Variants in MPPED2 observed in about 807,000 individuals in gnomAD.
MPPED2 encodes metallophosphoesterase MPPED2.
Under a neutral mutation model 33.0 loss-of-function variants are expected in MPPED2, and 5 were observed. The ratio of observed to expected loss-of-function variants is 0.15; its 90% confidence interval spans 0.08 to 0.32. MPPED2 has a LOEUF of 0.32. Among genes scored for constraint, MPPED2 ranks in the 10% least tolerant of loss-of-function variants. MPPED2 has a pLI of 1.00. For missense variants in MPPED2, 275 were observed against 372.1 expected (o/e 0.74, Z 2.15); for synonymous variants, 136 against 141.9 (o/e 0.96, Z 0.29).
chr11:30,496,168 A>T (rs1952241412), intron 3 of MPPED2, among the ~76,000 whole-genome samples: 1 of 152,312 alleles, frequency 6.6e-6, no homozygotes, highest in Non-Finnish European at 1.5e-5. Context: ...CCCTCTTTTA[A>T]TATTTATGGT....
intron 3 of MPPED2, among the ~76,000 whole-genome samples, chr11:30,526,711 A>C (rs1387968594): frequency 1.3e-5 from 2 of 151,802 alleles, no homozygotes; most frequent in Middle Eastern, 3.2e-3. Flanking sequence ...CTCAAAAAAA[A>C]AAAAAAGGCT....
chr11:30,516,815 TA>T (rs151126810), intron 3 of MPPED2, among the ~76,000 whole-genome samples: 1 of 151,952 alleles, frequency 6.6e-6, no homozygotes, highest in African/African-American at 2.4e-5. Flanking sequence ...CATTTTGTGT[TA>T]AAAAAAAGAA....
intron 6 of MPPED2, 26 bp downstream of exon 6, chr11:30,414,200 GTT>G: frequency 6.6e-7 from 1 of 1,520,692 alleles, no homozygotes; most frequent in Non-Finnish European, 9.1e-7. Context: ...GGCACAAAAT[GTT>G]TTGAATTCTT....
chr11:30,449,474 C>A (rs1273641646), intron 4 of MPPED2, among the ~76,000 whole-genome samples: 1 of 151,486 alleles, frequency 6.6e-6, no homozygotes, highest in Non-Finnish European at 1.5e-5. Flanking sequence ...GACAACATGG[C>A]AAAACCCTGT....
At chr11:30,387,011 G>A (rs1947711415) in exon 7 of MPPED2, 7 of 370,870 alleles carry the variant, frequency 1.9e-5, no homozygotes, top group Non-Finnish European at 1.9e-5. Context: ...CACATAGTTA[G>A]TAGTGATGGA....
intron 4 of MPPED2, among the ~76,000 whole-genome samples, chr11:30,456,899 G>C (rs747412689): frequency 6.6e-6 from 1 of 152,022 alleles, no homozygotes; most frequent in African/African-American, 2.4e-5. Flanking sequence ...CTAGCAATAA[G>C]AACAAAAATG....
At chr11:30,548,814 T>C (rs374082238) in intron 2 of MPPED2, among the ~76,000 whole-genome samples, 1 of 152,194 alleles carries the variant, frequency 6.6e-6, no homozygotes, top group East Asian at 1.9e-4. Context: ...ACAAAGAGGT[T>C]AATTCCCAGG....
At chr11:30,549,622 A>G (rs1955603171) in intron 2 of MPPED2, among the ~76,000 whole-genome samples, 1 of 152,108 alleles carries the variant, frequency 6.6e-6, no homozygotes, top group African/African-American at 2.4e-5. Context: ...TTAACTTTCA[A>G]TTTTGGGCAG....
At chr11:30,403,484 C>T (rs1431695341) in intron 6 of MPPED2, among the ~76,000 whole-genome samples, 3 of 152,164 alleles carry the variant, frequency 2.0e-5, no homozygotes, top group Admixed American at 6.5e-5. Context: ...AACAAATTTT[C>T]TTAGGTGAAA....
intron 4 of MPPED2, among the ~76,000 whole-genome samples, chr11:30,479,915 G>A (rs1951404146): frequency 6.6e-6 from 1 of 152,118 alleles, no homozygotes; most frequent in Non-Finnish European, 1.5e-5. Flanking sequence ...AAGTAAATAG[G>A]GCCTCTTTGG....
intron 6 of MPPED2, among the ~76,000 whole-genome samples, chr11:30,401,472 C>T: frequency 6.6e-6 from 1 of 152,200 alleles, no homozygotes; most frequent in Non-Finnish European, 1.5e-5. Flanking sequence ...TCACTGGACA[C>T]TAAAAGCACA....
intron 4 of MPPED2, among the ~76,000 whole-genome samples, chr11:30,463,561 T>C (rs1301602528): frequency 6.6e-6 from 1 of 152,162 alleles, no homozygotes; most frequent in Non-Finnish European, 1.5e-5. Flanking sequence ...CCCAGCTTAG[T>C]TCTGCGAAGT....
intron 2 of MPPED2, among the ~76,000 whole-genome samples, chr11:30,546,094 A>G (rs1955410453): frequency 6.6e-6 from 1 of 152,210 alleles, no homozygotes; most frequent in Non-Finnish European, 1.5e-5. Flanking sequence ...TGCTGGGATT[A>G]CAGACATGAG....
intron 4 of MPPED2, among the ~76,000 whole-genome samples, chr11:30,481,903 C>G (rs1005985900): frequency 6.6e-6 from 1 of 152,134 alleles, no homozygotes; most frequent in Non-Finnish European, 1.5e-5. Context: ...AGGCAAACCA[C>G]AGTACTTGTT....
intron 4 of MPPED2, among the ~76,000 whole-genome samples, chr11:30,465,008 C>T (rs1006469325): frequency 1.3e-5 from 2 of 152,126 alleles, no homozygotes; most frequent in Non-Finnish European, 2.9e-5. Flanking sequence ...TAGGTCTAAG[C>T]AATGTGGTCT....
intron 2 of MPPED2, among the ~76,000 whole-genome samples, chr11:30,557,764 A>G (rs903921246): frequency 1.3e-5 from 2 of 152,220 alleles, no homozygotes; most frequent in Admixed American, 6.5e-5. Context: ...ATATTTGAAG[A>G]TAAGTGAAAA....
intron 2 of MPPED2, among the ~76,000 whole-genome samples, chr11:30,567,056 A>G (rs1956475534): frequency 6.6e-6 from 1 of 152,184 alleles, no homozygotes; most frequent in Admixed American, 6.5e-5. Context: ...TCTCTACTTG[A>G]AAAAACAAAA....
At chr11:30,404,073 C>G (rs1947952834) in intron 6 of MPPED2, among the ~76,000 whole-genome samples, 1 of 152,198 alleles carries the variant, frequency 6.6e-6, no homozygotes, top group Non-Finnish European at 1.5e-5. Context: ...CAGAAGAATA[C>G]AAGGTCTTGC....
At chr11:30,496,460 G>C (rs972229161) in intron 3 of MPPED2, among the ~76,000 whole-genome samples, 1 of 152,104 alleles carries the variant, frequency 6.6e-6, no homozygotes, top group African/African-American at 2.4e-5. Context: ...AAGCCTCACT[G>C]TTCATCTGCT....
Sources: gnomAD v4.1 joint callset for allele counts (sites outside exome capture counted in the v4.1 genomes callset) on GRCh38, gnomAD v4.1.1 for gene constraint, MANE v1.5 for transcripts, NCBI Gene and HGNC (gene_info 2026-07-23, HGNC 2026-07-21) for gene names.